The following CYFIP2 variants were observed in gnomAD, a reference collection of about 807,000 sequenced individuals.
The protein encoded by CYFIP2 is cytoplasmic FMR1-interacting protein 2.
In CYFIP2, 29 loss-of-function variants were observed where a neutral mutation model predicts 158.7. That is an observed-to-expected ratio of 0.18 (90% CI 0.14 to 0.25). The LOEUF (loss-of-function observed/expected upper bound fraction) is 0.25. Among genes scored for constraint, CYFIP2 ranks in the 10% least tolerant of loss-of-function variants. CYFIP2 has a pLI of 1.00. For synonymous variants in CYFIP2, 585 were observed against 617.6 expected, an observed-to-expected ratio of 0.95 and a Z score of 0.78; for missense variants, 852 against 1,639.5, an observed-to-expected ratio of 0.52 and a Z score of 8.29.
At chr5:157,341,280 G>A in intron 23 of CYFIP2, 123 bp downstream of exon 23, 1 of 865,078 alleles carries the variant, frequency 1.2e-6, no homozygotes, top group South Asian at 1.5e-5. Flanking sequence ...GTCAGGCACA[G>A]TGGCTCATAC....
intron 8 of CYFIP2, 104 bp from the exon 9 acceptor site, chr5:157,307,657 A>C (rs58520752): frequency 1.1e-5 from 3 of 266,160 alleles, no homozygotes; most frequent in Non-Finnish European, 1.4e-5. Context: ...GTGTGTGTGT[A>C]TGTGTGTGTG....
At position 157,281,538 on chromosome 5, in the gene CYFIP2, C is replaced by T. The variant is rs191920364; in HGVS notation, c.-23-3801C>T. Among the ~76,000 whole-genome samples the T allele has an allele frequency of 4.6e-5, 7 of 152,152 alleles. No homozygotes were observed. The East Asian group carries it at 1.4e-3, about 29-fold the overall frequency. On this transcript the variant is annotated intron_variant, in intron 1 of 30. Transcript: ENST00000620254. ...CAGTAACAAAGTAATAAAAACCAAG[C>T]TTTTATTAGATGTCTTTGTGATCCA...
At position 157,338,829 on chromosome 5, in the gene CYFIP2, C is replaced by T. The variant is rs117812786; in HGVS notation, c.2386-228C>T. 5.3e-5 allele frequency among the ~76,000 whole-genome samples: 8 copies of T among 152,302 alleles called. 1 individual carries two copies. The East Asian group carries it at 1.5e-3, about 29-fold the overall frequency. On this transcript the variant is annotated intron_variant, in intron 21 of 30. Transcript: ENST00000620254. ...TGCAACCTCCCCTTCCCCTACCTTG[C>T]CCTTAACCTTCTGGGCCTCCATTTC...
In CYFIP2 at chr5:157,314,382, CGAG is replaced by C; in HGVS notation, c.1153_1155del (p.Glu385del). The C allele has an allele frequency of 6.2e-7, 1 of 1,613,896 alleles. No individual in the cohort carries two copies. The highest frequency in any genetic ancestry group is 8.5e-7 in the Non-Finnish European group (1 of 1,179,848). ...CAGGGCTGGACAGCCAGAAGTCAGA[CGAG>C]GAGTATCGCGAGCTCTTCGACCTAG... On this transcript the variant is annotated inframe_deletion, in exon 12 of 31. Transcript: ENST00000620254.
At chr5:157,342,863 C>G (rs995325867) in intron 23 of CYFIP2, 2 of 1,608,990 alleles carry the variant, frequency 1.2e-6, no homozygotes, top group Non-Finnish European at 1.7e-6. Context: ...TCCCCACTCT[C>G]ATTCCCCACA....
intron 9 of CYFIP2, among the ~76,000 whole-genome samples, chr5:157,309,302 C>T (rs392512): frequency 0.24 from 36,161 of 152,124 alleles, 5,665 homozygotes; most frequent in East Asian, 0.59. Context: ...GGTATTATTA[C>T]GGTTTTAATT....
At chr5:157,322,464 G>C (rs1480890607) in intron 15 of CYFIP2, among the ~76,000 whole-genome samples, 3 of 152,256 alleles carry the variant, frequency 2.0e-5, no homozygotes, top group Non-Finnish European at 2.9e-5. Context: ...CAGAGAATTA[G>C]AGTTGGATAT....
intron 3 of CYFIP2, among the ~76,000 whole-genome samples, chr5:157,293,443 C>T (rs566211434): frequency 6.6e-5 from 10 of 152,244 alleles, no homozygotes; most frequent in African/African-American, 1.7e-4. Context: ...TATTTTTTCA[C>T]GCTCGTTTTT....
chr5:157,304,994 A>G (rs1759094515), intron 8 of CYFIP2, among the ~76,000 whole-genome samples: 1 of 152,156 alleles, frequency 6.6e-6, no homozygotes, highest in Non-Finnish European at 1.5e-5. Flanking sequence ...CTTATAAATG[A>G]GAACATACAA....
intron 18 of CYFIP2, 71 bp downstream of exon 18, chr5:157,326,338 A>G (rs776198029): frequency 1.1e-5 from 14 of 1,302,114 alleles, no homozygotes; most frequent in Admixed American, 3.4e-5. Flanking sequence ...GTCTTTTGCT[A>G]TTAGCATGAA....
chr5:157,288,459 T>G (rs1402991527), intron 3 of CYFIP2, among the ~76,000 whole-genome samples: 1 of 152,180 alleles, frequency 6.6e-6, no homozygotes, highest in Non-Finnish European at 1.5e-5. Flanking sequence ...ACCCTGCTCA[T>G]TCATTCAATA....
At chr5:157,385,449 G>A (rs570706567) in intron 28 of CYFIP2, among the ~76,000 whole-genome samples, 1 of 152,292 alleles carries the variant, frequency 6.6e-6, no homozygotes, top group African/African-American at 2.4e-5. Flanking sequence ...AAGATATCTA[G>A]GAGGTGACAG....
chr5:157,297,448 T>C (rs1758348513), intron 5 of CYFIP2, among the ~76,000 whole-genome samples: 1 of 152,238 alleles, frequency 6.6e-6, no homozygotes, highest in Non-Finnish European at 1.5e-5. Context: ...AATGACCGGC[T>C]TCACAGGTTT....
chr5:157,280,452 G>T (rs1756906870), intron 1 of CYFIP2, among the ~76,000 whole-genome samples: 1 of 149,464 alleles, frequency 6.7e-6, no homozygotes, highest in Non-Finnish European at 1.5e-5. Flanking sequence ...TCGAACTCCT[G>T]ACCTCAGGTG....
At chr5:157,356,961 A>C (rs1328314414) in intron 23 of CYFIP2, among the ~76,000 whole-genome samples, 1 of 152,214 alleles carries the variant, frequency 6.6e-6, no homozygotes, top group Non-Finnish European at 1.5e-5. Flanking sequence ...CTCTTAAGTC[A>C]GTTCCATTTT....
chr5:157,276,849 C>T (rs1303848809), intron 1 of CYFIP2, among the ~76,000 whole-genome samples: 2 of 151,946 alleles, frequency 1.3e-5, no homozygotes, highest in Non-Finnish European at 2.9e-5. Context: ...TTTATGGCTC[C>T]TCTGTTTATG....
chr5:157,311,924 G>T lies in CYFIP2; in HGVS notation c.1110+143G>T. 1 of 714,622 alleles carries T rather than the reference G, an allele frequency of 1.4e-6. No homozygotes were observed. Among genetic ancestry groups the T allele is most frequent in the South Asian group, 1.9e-5 (1 of 53,198 alleles). The allele number at this position is 714,622 out of a possible 1,614,324, so 44.3% of individuals were successfully genotyped here. Reference sequence around the variant, plus strand: ...GAGGGTAAAGTGGCCAACAGCAGGGGTTTTGGAGCCAGGCAGACTGGGGTG... The same window carrying T: ...GAGGGTAAAGTGGCCAACAGCAGGGTTTTTGGAGCCAGGCAGACTGGGGTG... On this transcript the variant is annotated intron_variant, in intron 11 of 30. Coordinates refer to ENST00000620254, the MANE Select transcript of CYFIP2 (RefSeq NM_001037333.3). The surrounding 1 kb of genome is among the most constrained non-coding windows in gnomAD (Gnocchi z 4.7).
chr5:157,322,864 C>T (rs1289624868), intron 15 of CYFIP2: 2 of 1,369,206 alleles, frequency 1.5e-6, no homozygotes, highest in East Asian at 5.0e-5. Flanking sequence ...CTCTCTCTCT[C>T]TCTCTTTCTC....
chr5:157,353,925 G>A (rs938283135), intron 23 of CYFIP2, among the ~76,000 whole-genome samples: 1 of 152,148 alleles, frequency 6.6e-6, no homozygotes, highest in Non-Finnish European at 1.5e-5. Flanking sequence ...GGCTGGCCGT[G>A]TTTACCATCT....
Sources: allele counts gnomAD v4.1 joint callset (sites outside exome capture counted in the v4.1 genomes callset), GRCh38; gene constraint gnomAD v4.1.1; non-coding constraint Gnocchi (gnomAD v3.1); transcripts MANE v1.5; gene names NCBI Gene and HGNC (gene_info 2026-07-23, HGNC 2026-07-21).